DERL2: variants seen among roughly 807,000 people sequenced by gnomAD.
The protein encoded by DERL2 is derlin-2.
Under a neutral mutation model 32.0 loss-of-function variants are expected in DERL2, and 13 were observed. The observed-to-expected ratio is 0.41, with a 90% CI of 0.26 to 0.65. DERL2 has a LOEUF of 0.65. Ranked by LOEUF, DERL2 falls within the 30% of genes least tolerant of loss-of-function variation. The pLI is 0.35. For synonymous variants in DERL2, 111 were observed against 104.7 expected (o/e 1.06, Z -0.37); for missense variants, 208 against 296.3 (o/e 0.70, Z 2.19).
chr17:5,486,189 C>A (rs753519988), upstream of DERL2: 4 of 1,153,848 alleles, frequency 3.5e-6, no homozygotes, highest in Admixed American at 2.4e-5. Context: ...GCCCCACCCC[C>A]CACCCACCCC....
chr17:5,478,644 G>C (rs984947884), intron 6 of DERL2, among the ~76,000 whole-genome samples: 1 of 152,178 alleles, frequency 6.6e-6, no homozygotes, highest in Non-Finnish European at 1.5e-5. Context: ...CAGAGATTTA[G>C]CTACAAGGAC....
At position 5,486,055 on chromosome 17, in the gene DERL2, C is replaced by T. The variant is rs1299675040; in HGVS notation, c.93+14G>A. On this transcript the variant is annotated intron_variant, in intron 1 of 6. Coordinates refer to ENST00000158771, the MANE Select transcript of DERL2 (RefSeq NM_016041.5). Reference sequence around the variant, plus strand: ...CAGCCCAGATAATGAGAAGGTGGCACTGCAGCTGCTCACCACGGCGGCGGT... The same window carrying T: ...CAGCCCAGATAATGAGAAGGTGGCATTGCAGCTGCTCACCACGGCGGCGGT... 1 of 1,605,624 alleles carries T rather than the reference C, an allele frequency of 6.2e-7. No individual in the cohort carries two copies.
At chr17:5,478,243 T>G (rs1197540434) in intron 6 of DERL2, among the ~76,000 whole-genome samples, 1 of 151,946 alleles carries the variant, frequency 6.6e-6, no homozygotes, top group Non-Finnish European at 1.5e-5. Context: ...AGCTTGGTGG[T>G]GTGCACCTGT....
Position 5,480,569 on chromosome 17 carries a change from A to G in DERL2, c.341T>C (p.Phe114Ser). Residue 114 changes from phenylalanine (F) to serine (S), a missense_variant, in exon 5 of 7, where the codon TTT becomes TCT. Around this residue, in one of 3 missense-constraint regions of DERL2, gnomAD observed 124 missense variants for 215.3 expected, o/e 0.58. Coordinates refer to ENST00000158771, the MANE Select transcript of DERL2 (RefSeq NM_016041.5). ...GGFLMTLFGL[F>S]VSLVFLGQAF... ...CTGGCCCAAGAAAACTAAGCTCACAAACAGACCAAAAAGCTAGCAGATGGC... is the reference window on the plus strand; with the variant it reads ...CTGGCCCAAGAAAACTAAGCTCACAGACAGACCAAAAAGCTAGCAGATGGC... 5 of 1,519,198 alleles carry G rather than the reference A, an allele frequency of 3.3e-6. No homozygotes were observed. 94.1% of individuals were successfully genotyped at this position (1,519,198 alleles called of 1,614,324 possible). A position where few individuals can be genotyped will look rare whatever the true frequency, so the allele number is the denominator to read the frequency against.
In DERL2 at chr17:5,486,149, T is replaced by G. The variant is rs767267573; in HGVS notation, c.13A>C (p.Ser5Arg). 1 of 1,609,158 alleles carries G rather than the reference T, an allele frequency of 6.2e-7. No individual in the cohort carries two copies. Among genetic ancestry groups the G allele is most frequent in the Non-Finnish European group, 8.5e-7 (1 of 1,177,886 alleles). Residue 5 changes from serine to arginine, a missense_variant, in exon 1 of 7, where the codon AGC becomes CGC. Physicochemically the swap from Ser to Arg is moderately radical, Grantham distance 110. Transcript: ENST00000158771. The part of the protein sequence containing the change: MAYQ[S>R]LRLEYLQIPP... Reference sequence around the variant, plus strand: ...ATCTGCAGGTACTCCAGCCGCAAGCTCTGGTACGCCATCTTCCCCACCGTC... The same window carrying G: ...ATCTGCAGGTACTCCAGCCGCAAGCGCTGGTACGCCATCTTCCCCACCGTC...
Position 5,471,883 on chromosome 17 carries a change from G to A in DERL2, c.*2801C>T, listed in dbSNP as rs1478996172. The A allele has an allele frequency of 1.3e-5, 2 of 152,124 alleles. No individual in the cohort carries two copies. The highest frequency in any genetic ancestry group is 6.5e-5 in the Admixed American group (1 of 15,274). The allele number at this position is 152,124 out of a possible 1,614,324, so 9.4% of individuals were successfully genotyped here. On this transcript the variant is annotated 3_prime_UTR_variant, in exon 7 of 7. Coordinates refer to ENST00000158771, the MANE Select transcript of DERL2 (RefSeq NM_016041.5). ...TTCTAGGAAGCCCATTACTCAACAT[G>A]GCAATAGCTCCAATGCTTCCTTATT...
At chr17:5,477,298 T>C (rs1351456187) in intron 6 of DERL2, among the ~76,000 whole-genome samples, 3 of 152,144 alleles carry the variant, frequency 2.0e-5, no homozygotes, top group Non-Finnish European at 4.4e-5. Flanking sequence ...TTGTAGAACA[T>C]GAAAAACTAA....
intron 2 of DERL2, among the ~76,000 whole-genome samples, chr17:5,483,135 T>C (rs909949652): frequency 6.6e-6 from 1 of 152,068 alleles, no homozygotes; most frequent in East Asian, 1.9e-4. Context: ...AATTTTAAAT[T>C]GTGATCGTCG....
intron 2 of DERL2, among the ~76,000 whole-genome samples, chr17:5,484,650 C>G (rs1417303645): frequency 6.6e-6 from 1 of 152,174 alleles, no homozygotes; most frequent in South Asian, 2.1e-4. Context: ...TGATCTGATC[C>G]CTGGAAGACA....
At position 5,472,590 on chromosome 17, in the gene DERL2, T is replaced by C. The variant is rs142465612; in HGVS notation, c.*2094A>G. 2.6e-5 allele frequency: 4 copies of C among 152,332 alleles called. No homozygotes were observed. The highest frequency in any genetic ancestry group is 9.6e-5 in the African/African-American group (4 of 41,564). The allele number at this position is 152,332 out of a possible 1,614,324, so 9.4% of individuals were successfully genotyped here. ...TGTAACTGCCTGCCTTTAGGCTGTATATTCAAAATGTATTTCCTGTTTTAC... is the reference window on the plus strand; with the variant it reads ...TGTAACTGCCTGCCTTTAGGCTGTACATTCAAAATGTATTTCCTGTTTTAC... On this transcript the variant is annotated 3_prime_UTR_variant, in exon 7 of 7. Transcript: ENST00000158771.
In DERL2 at chr17:5,483,349, TA is replaced by T. The variant is rs35004532; in HGVS notation, c.160-468del. Among the ~76,000 whole-genome samples the T allele has an allele frequency of 6.5e-3, 880 of 135,858 alleles. 3 individuals are homozygous for T. The highest frequency in any genetic ancestry group is 0.011 in the Middle Eastern group (3 of 268). 89.1% of individuals were successfully genotyped at this position (135,858 alleles called of 152,430 possible). On this transcript the variant is annotated intron_variant, in intron 2 of 6. Coordinates refer to ENST00000158771, the MANE Select transcript of DERL2 (RefSeq NM_016041.5). ...AATTCTTTTTTTTTAAACTAAAACTTAAAAAAAAAAAAAAAGAGATAGGTTC... is the reference window on the plus strand; with the variant it reads ...AATTCTTTTTTTTTAAACTAAAACTTAAAAAAAAAAAAAAGAGATAGGTTC...
At position 5,473,098 on chromosome 17, in the gene DERL2, T is replaced by C. The variant is rs1905194263; in HGVS notation, c.*1586A>G. ...AAATTCCTATTTAGGATGTCCATTA[T>C]GTTTAAGCCTATGTCTATCTTTCTG... On this transcript the variant is annotated 3_prime_UTR_variant, in exon 7 of 7. Coordinates refer to ENST00000158771, the MANE Select transcript of DERL2 (RefSeq NM_016041.5). 6.6e-6 allele frequency: 1 copy of C among 152,274 alleles called. No individual in the cohort carries two copies. Among genetic ancestry groups the C allele is most frequent in the Admixed American group, 6.5e-5 (1 of 15,294 alleles). 9.4% of individuals were successfully genotyped at this position (152,274 alleles called of 1,614,324 possible). A position where few individuals can be genotyped will look rare whatever the true frequency, so the allele number is the denominator to read the frequency against.
rs1376474273 is a variant in DERL2, at chr17:5,474,736, T to G, written c.668A>C (p.Glu223Ala). 12 of 1,613,890 alleles carry G rather than the reference T, an allele frequency of 7.4e-6. No individual in the cohort carries two copies. Among genetic ancestry groups the G allele is most frequent in the Non-Finnish European group, 1.0e-5 (12 of 1,179,918 alleles). The change falls in exon 7 of 7, where the codon GAG (glutamate) becomes GCG (alanine). Residue 223 changes from glutamate to alanine, a missense_variant. Around this residue, in one of 3 missense-constraint regions of DERL2, gnomAD observed 40 missense variants for 38.7 expected, o/e 1.03. Transcript: ENST00000158771. This position sits in a 1 kb window ranked among gnomAD's most constrained non-coding sequence, Gnocchi z 4.3. ...DEDPNYNPLPEERPGGFAWGE... is the reference protein window; with the variant it reads ...DEDPNYNPLPAERPGGFAWGE... ...CCAGGCGAAGCCTCCTGGCCGTTCC[T>G]CAGGTAGTGGATTGTAATTTGGATC...
At chr17:5,485,248 TCAAGAAACAAAATTTCATCATTTA>T in intron 1 of DERL2, 32 bp from the exon 2 acceptor site, 1 of 1,486,520 alleles carries the variant, frequency 6.7e-7, no homozygotes, top group Non-Finnish European at 9.1e-7. Flanking sequence ...TTAAAGCAAA[TCAAGAAACAAAATTTCATCATTTA>T]CAACAAAGAA....
intron 6 of DERL2, among the ~76,000 whole-genome samples, chr17:5,477,073 T>C (rs1905439968): frequency 6.6e-6 from 1 of 152,038 alleles, no homozygotes; most frequent in Non-Finnish European, 1.5e-5. Context: ...ATTAGGTAGG[T>C]AAAACATTAA....
chr17:5,476,627 CA>C (rs1320312489), intron 6 of DERL2, among the ~76,000 whole-genome samples: 1 of 151,998 alleles, frequency 6.6e-6, no homozygotes, highest in Non-Finnish European at 1.5e-5. Flanking sequence ...ACTAAAAATA[CA>C]AAATTAGCCG....
At chr17:5,484,144 G>A (rs1345003041) in intron 2 of DERL2, among the ~76,000 whole-genome samples, 1 of 152,238 alleles carries the variant, frequency 6.6e-6, no homozygotes, top group African/African-American at 2.4e-5. Context: ...ACACATTTGA[G>A]ACAGACAGAA....
rs772186059 is a variant in DERL2, at chr17:5,481,345, C to T, written c.278G>A (p.Arg93Gln). The stretch of plus-strand genomic sequence containing the variant: ...GAACATAAATACAAAGTCTGCTGTC[C>T]GACCTCGGAAAGAGCCTTCTTCTAG... ...RMLEEGSFRG[R>Q]TADFVFMFLF... The change falls in exon 4 of 7, where the codon CGG becomes CAG. Residue 93 changes from arginine (R) to glutamine (Q), a missense_variant. Transcript: ENST00000158771. The surrounding 1 kb of genome is among the most constrained non-coding windows in gnomAD (Gnocchi z 4.4). The T allele has an allele frequency of 1.9e-6, 3 of 1,614,120 alleles. No homozygotes were observed. The highest frequency in any genetic ancestry group is 1.7e-5 in the Admixed American group (1 of 60,022).
intron 6 of DERL2, among the ~76,000 whole-genome samples, chr17:5,478,257 C>G (rs1905519232): frequency 6.6e-6 from 1 of 152,032 alleles, no homozygotes; most frequent in African/African-American, 2.4e-5. Flanking sequence ...CACCTGTAGT[C>G]CCAGCTACTC....
Sources: gnomAD v4.1 joint callset for allele counts (sites outside exome capture counted in the v4.1 genomes callset) on GRCh38, gnomAD v4.1.1 for gene constraint, gnomAD v4.1.1 regional missense constraint, Gnocchi (gnomAD v3.1) non-coding constraint, MANE v1.5 for transcripts, NCBI Gene and HGNC (gene_info 2026-07-23, HGNC 2026-07-21) for gene names.